Variants in REL observed in about 807,000 individuals in gnomAD.
The protein encoded by REL is proto-oncogene c-Rel.
A neutral mutation model predicts 45.9 loss-of-function variants in REL; 15 were observed. The observed-to-expected ratio is 0.33, with a 90% CI of 0.22 to 0.50. The LOEUF is 0.50. REL is among the 20% of genes least tolerant of loss of function. The pLI is 0.98. For missense variants in REL, 601 were observed against 715.2 expected, an observed-to-expected ratio of 0.84 and a Z score of 1.82; for synonymous variants, 239 against 242.1, an observed-to-expected ratio of 0.99 and a Z score of 0.12.
chr2:60,909,397 A>G (rs530942068), intron 4 of REL, among the ~76,000 whole-genome samples: 1 of 152,304 alleles, frequency 6.6e-6, no homozygotes, highest in African/African-American at 2.4e-5. Flanking sequence ...AGTAACAAAA[A>G]TGTAAATTAA....
chr2:60,901,381 C>T (rs954325670), intron 4 of REL, among the ~76,000 whole-genome samples: 4 of 151,658 alleles, frequency 2.6e-5, no homozygotes, highest in Admixed American at 6.6e-5. Context: ...AGGCTGGTCT[C>T]GAACTCCTGA....
At chr2:60,915,439 G>T (rs563842435) in intron 4 of REL, among the ~76,000 whole-genome samples, 1 of 152,126 alleles carries the variant, frequency 6.6e-6, no homozygotes, top group Non-Finnish European at 1.5e-5. Context: ...CCTTTCAGTT[G>T]TACAGAGTAC....
Position 60,929,259 on chromosome 2 carries a change from G to A in REL, c.*6724G>A, listed in dbSNP as rs1404979267. ...TAGTTCAACCATTGTGGAAGTCAGT[G>A]TGGCGATTCCTCAGGGATGTAGAAC... On this transcript the variant is annotated 3_prime_UTR_variant, in exon 10 of 10. Transcript: ENST00000394479. 1 of 148,396 alleles carries A rather than the reference G, an allele frequency of 6.7e-6. No homozygotes were observed. The highest frequency in any genetic ancestry group is 1.5e-5 in the Non-Finnish European group (1 of 66,972). 9.2% of individuals were successfully genotyped at this position (148,396 alleles called of 1,614,324 possible).
intron 4 of REL, among the ~76,000 whole-genome samples, chr2:60,908,979 A>G (rs1295967020): frequency 6.6e-6 from 1 of 152,238 alleles, no homozygotes. Flanking sequence ...TAAAGTTTGA[A>G]AAAATGGCTC....
At chr2:60,914,753 T>A (rs1358465514) in intron 4 of REL, among the ~76,000 whole-genome samples, 2 of 152,138 alleles carry the variant, frequency 1.3e-5, no homozygotes, top group Non-Finnish European at 2.9e-5. Context: ...GCATACAGTA[T>A]ACTTTTGTAT....
chr2:60,901,409 G>A (rs1389429520), intron 4 of REL, among the ~76,000 whole-genome samples: 3 of 152,040 alleles, frequency 2.0e-5, no homozygotes, highest in Admixed American at 6.6e-5. Context: ...TGATCTACCC[G>A]CTTTGGCATC....
intron 4 of REL, among the ~76,000 whole-genome samples, chr2:60,903,550 T>C (rs575813620): frequency 1.2e-4 from 18 of 151,898 alleles, no homozygotes; most frequent in African/African-American, 4.1e-4. Context: ...ATTTTTTTTT[T>C]TGAGACAGAG....
In REL at chr2:60,922,621, A is replaced by G. The variant is rs777695661; in HGVS notation, c.*86A>G. 6 of 1,414,132 alleles carry G rather than the reference A, an allele frequency of 4.2e-6. No homozygotes were observed. The highest frequency in any genetic ancestry group is 3.0e-5 in the South Asian group (2 of 66,752). The allele number at this position is 1,414,132 out of a possible 1,614,324, so 87.6% of individuals were successfully genotyped here. A position where few individuals can be genotyped will look rare whatever the true frequency, so the allele number is the denominator to read the frequency against. ...TTTGTCTAACTGGGGATATAATACT[A>G]TATTTATACTGTATATATAATACTG... On this transcript the variant is annotated 3_prime_UTR_variant, in exon 10 of 10. Transcript: ENST00000394479.
intron 7 of REL, among the ~76,000 whole-genome samples, chr2:60,918,956 A>G (rs991972222): frequency 6.6e-5 from 10 of 151,980 alleles, no homozygotes; most frequent in African/African-American, 2.4e-4. Context: ...ACGCTGGGCT[A>G]CTACTTTTGT....
chr2:60,904,636 C>G (rs146126693), intron 4 of REL, among the ~76,000 whole-genome samples: 1 of 151,686 alleles, frequency 6.6e-6, no homozygotes, highest in African/African-American at 2.4e-5. Flanking sequence ...GCCTGTAATC[C>G]CAGCACTTTG....
rs988040885 is a variant in REL at position 60,926,591 on chromosome 2, C to T, written c.*4056C>T. On this transcript the variant is annotated 3_prime_UTR_variant, in exon 10 of 10. Transcript: ENST00000394479. ...TCAGTTGGTGCTATTTCCCCCTACC[C>T]GCCCTCCGATGATCTTATCAGAGCC... 2.6e-5 allele frequency: 6 copies of T among 231,108 alleles called. No individual in the cohort carries two copies. Among genetic ancestry groups the T allele is most frequent in the Non-Finnish European group, 5.1e-5 (6 of 116,702 alleles). 14.3% of individuals were successfully genotyped at this position (231,108 alleles called of 1,614,324 possible).
intron 3 of REL, among the ~76,000 whole-genome samples, chr2:60,895,401 G>C (rs1489768754): frequency 1.3e-5 from 2 of 151,964 alleles, no homozygotes; most frequent in East Asian, 3.9e-4. Context: ...GGGTGGTCTT[G>C]AACTCCTGGA....
At position 60,927,388 on chromosome 2, in the gene REL, C is replaced by G. The variant is rs189333371; in HGVS notation, c.*4853C>G. On this transcript the variant is annotated 3_prime_UTR_variant, in exon 10 of 10. Transcript: ENST00000394479. ...GCTTCCCTTTTTTACCACACACACA[C>G]GCACACATACCACAGCCCTTTGAGA... The G allele has an allele frequency of 1.7e-5, 4 of 232,058 alleles. No homozygotes were observed. The highest frequency in any genetic ancestry group is 6.6e-5 in the African/African-American group (3 of 45,388). 14.4% of individuals were successfully genotyped at this position (232,058 alleles called of 1,614,324 possible). A position where few individuals can be genotyped will look rare whatever the true frequency, so the allele number is the denominator to read the frequency against.
intron 4 of REL, among the ~76,000 whole-genome samples, chr2:60,909,249 A>G (rs1310640221): frequency 1.3e-5 from 2 of 152,212 alleles, no homozygotes; most frequent in East Asian, 3.8e-4. Context: ...TAGATACTCA[A>G]TAAGTATGTT....
chr2:60,884,428 C>T (rs1215841486), intron 1 of REL, among the ~76,000 whole-genome samples: 1 of 151,990 alleles, frequency 6.6e-6, no homozygotes, highest in African/African-American at 2.4e-5. Context: ...TTGTATTAAG[C>T]TGCCTTTCGT....
intron 9 of REL, among the ~76,000 whole-genome samples, chr2:60,921,428 T>C (rs540966881): frequency 1.3e-5 from 2 of 152,190 alleles, no homozygotes; most frequent in African/African-American, 4.8e-5. Context: ...CCATTAATTG[T>C]AATTCTAATA....
At chr2:60,900,032 A>G (rs1337192608) in intron 3 of REL, 9 of 152,250 alleles carry the variant, frequency 5.9e-5, no homozygotes, top group Non-Finnish European at 1.2e-4. Context: ...GGCAAGCAGC[A>G]TAAATGAGTG....
rs536398975 is a variant in REL at position 60,918,050 on chromosome 2, A to G, written c.536-141A>G. Reference sequence around the variant, plus strand: ...AGAAAGGAAGTGGACAGATAAATAGATGATTAATGTATTTAGTGTCATTTA... The same window carrying G: ...AGAAAGGAAGTGGACAGATAAATAGGTGATTAATGTATTTAGTGTCATTTA... On this transcript the variant is annotated intron_variant, in intron 5 of 9. Transcript: ENST00000394479. 1.9e-4 allele frequency: 112 copies of G among 588,256 alleles called. No individual in the cohort carries two copies. In the African/African-American group the frequency reaches 1.9e-3, roughly 10 times the overall value. The allele number at this position is 588,256 out of a possible 1,614,324, so 36.4% of individuals were successfully genotyped here.
chr2:60,891,574 A>C, intron 1 of REL, 109 bp from the exon 2 acceptor site: 1 of 990,468 alleles, frequency 1.0e-6, no homozygotes, highest in Middle Eastern at 3.2e-4. Context: ...TGTTAGGAGG[A>C]AAAAAATCTT....
Sources: gnomAD v4.1 joint callset for allele counts (sites outside exome capture counted in the v4.1 genomes callset) on GRCh38, gnomAD v4.1.1 for gene constraint, MANE v1.5 for transcripts, NCBI Gene and HGNC (gene_info 2026-07-23, HGNC 2026-07-21) for gene names.